XPO4: variants seen among roughly 807,000 people sequenced by gnomAD.
XPO4 encodes exportin-4.
XPO4 carries 39 observed loss-of-function variants against 143.0 expected under a neutral mutation model. The observed-to-expected ratio is 0.27, with a 90% CI of 0.21 to 0.36. XPO4 has a LOEUF of 0.36. Ranked by LOEUF, XPO4 falls within the 10% of genes least tolerant of loss-of-function variation. XPO4 has a pLI of 1.00. For synonymous variants in XPO4, 439 were observed against 474.0 expected (o/e 0.93, Z 0.96); for missense variants, 907 against 1,348.0 (o/e 0.67, Z 5.12).
intron 4 of XPO4, chr13:20,848,871 TAA>T (rs898642458): frequency 1.7e-5 from 17 of 984,834 alleles, no homozygotes; most frequent in African/African-American, 3.5e-5. Flanking sequence ...GTCAAAGTTA[TAA>T]AAAAAAGTCT....
In XPO4 at chr13:20,808,998, A is replaced by G. The variant is rs187632701; in HGVS notation, c.1493+85T>C. The G allele has an allele frequency of 8.4e-5, 123 of 1,469,482 alleles. 1 individual carries two copies. In the Admixed American group the frequency reaches 2.5e-3, roughly 30 times the overall value. The allele number at this position is 1,469,482 out of a possible 1,614,324, so 91.0% of individuals were successfully genotyped here. Reference sequence around the variant, plus strand: ...GCTGGGACACGGGGTGGGGGTGTTTAAAGTCTTTAAACACTTTAAGTGCTC... The same window carrying G: ...GCTGGGACACGGGGTGGGGGTGTTTGAAGTCTTTAAACACTTTAAGTGCTC... On this transcript the variant is annotated intron_variant, in intron 11 of 22. Transcript: ENST00000255305.
chr13:20,856,417 T>A, intron 3 of XPO4: 1 of 929,874 alleles, frequency 1.1e-6, no homozygotes, highest in Non-Finnish European at 1.3e-6. Flanking sequence ...ACCAAGCCCA[T>A]TTGACCACAA....
chr13:20,841,897 C>T (rs1254129605), intron 6 of XPO4, among the ~76,000 whole-genome samples: 1 of 151,470 alleles, frequency 6.6e-6, no homozygotes, highest in Admixed American at 6.6e-5. Flanking sequence ...TTCTCCTGAA[C>T]AGACTCTCAG....
intron 20 of XPO4, 105 bp downstream of exon 20, chr13:20,788,381 G>T (rs2059235211): frequency 6.9e-7 from 1 of 1,455,180 alleles, no homozygotes; most frequent in East Asian, 2.5e-5. Context: ...AAATAAAATT[G>T]AACCATAAAA....
intron 1 of XPO4, among the ~76,000 whole-genome samples, chr13:20,870,435 T>TAA (rs35577937): frequency 0.03 from 4,420 of 147,136 alleles, 146 homozygotes; most frequent in African/African-American, 0.08. Flanking sequence ...CCATCTCAAT[T>TAA]AAAAAAAAAA....
At chr13:20,868,535 A>C (rs1800148320) in intron 2 of XPO4, 61 bp downstream of exon 2, 8 of 1,558,796 alleles carry the variant, frequency 5.1e-6, no homozygotes, top group Non-Finnish European at 6.9e-6. Flanking sequence ...CTAATGTTTA[A>C]GACAGCAAAC....
intron 1 of XPO4, among the ~76,000 whole-genome samples, chr13:20,876,172 G>A (rs541054709): frequency 6.9e-6 from 1 of 144,804 alleles, no homozygotes; most frequent in African/African-American, 2.6e-5. Context: ...TGAGACAGGA[G>A]AATCACTTGA....
intron 1 of XPO4, among the ~76,000 whole-genome samples, chr13:20,891,122 TAAAAAAAAAAAAAAAA>T (rs57528913): frequency 4.7e-5 from 4 of 86,008 alleles, no homozygotes; most frequent in South Asian, 8.7e-4. Flanking sequence ...CATCTCAATT[TAAAAAAAAAAAAAAAA>T]AAAAAAAAAA....
intron 2 of XPO4, chr13:20,865,422 C>A: frequency 1.0e-6 from 1 of 981,204 alleles, no homozygotes. Flanking sequence ...CAGGTGTGAG[C>A]CACCACACCC....
At position 20,796,107 on chromosome 13, in the gene XPO4, C is replaced by T. The variant is rs2059354750; in HGVS notation, c.2766G>A (p.Leu922=). The change falls in exon 18 of 23, where the codon CTG becomes CTA. Residue 922 remains leucine, a synonymous_variant. Transcript: ENST00000255305. ...LLIMELLTNL[L]SKEFIDFSDT... is the part of the protein sequence containing the mutation. The stretch of plus-strand genomic sequence containing the variant: ...CACTGAAATCTATGAATTCTTTTGA[C>T]AGCAGGTTAGTAAGAAGTTCCATAA... 3 of 1,613,370 alleles carry T rather than the reference C, an allele frequency of 1.9e-6. No homozygotes were observed. Among genetic ancestry groups the T allele is most frequent in the Non-Finnish European group, 1.7e-6 (2 of 1,179,758 alleles).
At chr13:20,845,775 G>T (rs947291360) in intron 4 of XPO4, among the ~76,000 whole-genome samples, 3 of 152,122 alleles carry the variant, frequency 2.0e-5, no homozygotes, top group African/African-American at 7.2e-5. Flanking sequence ...TTTAAACACA[G>T]CTAGGCTTTG....
intron 13 of XPO4, 106 bp downstream of exon 13, chr13:20,807,351 G>T: frequency 8.9e-7 from 1 of 1,126,072 alleles, no homozygotes; most frequent in Non-Finnish European, 1.3e-6. Flanking sequence ...TTTTTTTCAT[G>T]TATCAGATTT....
intron 16 of XPO4, among the ~76,000 whole-genome samples, chr13:20,798,089 G>A (rs140227577): frequency 1.3e-5 from 2 of 152,202 alleles, no homozygotes; most frequent in African/African-American, 4.8e-5. Context: ...GTTGCAGTGA[G>A]CCAAGATCAC....
chr13:20,859,757 C>G, intron 3 of XPO4: 1 of 658,952 alleles, frequency 1.5e-6, no homozygotes, highest in Non-Finnish European at 1.8e-6. Flanking sequence ...AGCCTAGCAA[C>G]AGAGCAAGGC....
chr13:20,822,010 T>C (rs1179507475), intron 8 of XPO4, 122 bp downstream of exon 8: 1 of 1,382,190 alleles, frequency 7.2e-7, no homozygotes. Flanking sequence ...TAATTTCAAA[T>C]TACCCATATG....
intron 18 of XPO4, among the ~76,000 whole-genome samples, chr13:20,792,787 A>G (rs2059304647): frequency 6.9e-6 from 1 of 145,914 alleles, no homozygotes; most frequent in Non-Finnish European, 1.5e-5. Context: ...TTTATTAATT[A>G]TTATTAATAT....
At chr13:20,786,941 C>G in intron 22 of XPO4, 24 bp downstream of exon 22, 2 of 1,535,054 alleles carry the variant, frequency 1.3e-6, no homozygotes, top group East Asian at 4.9e-5. Context: ...AGAAGAGTCC[C>G]CTGAAAAGAG....
Position 20,843,128 on chromosome 13 carries a change from A to G in XPO4, c.574-80T>C, listed in dbSNP as rs569905179. On this transcript the variant is annotated intron_variant, in intron 5 of 22. Transcript: ENST00000255305. Reference sequence around the variant, plus strand: ...CCCTTTTAGAATCATGAAACAAAACAAACACCTTAAAATTTCCAATGGAAA... The same window carrying G: ...CCCTTTTAGAATCATGAAACAAAACGAACACCTTAAAATTTCCAATGGAAA... 4 of 1,336,298 alleles carry G rather than the reference A, an allele frequency of 3.0e-6. No homozygotes were observed. In the African/African-American group the frequency reaches 4.4e-5, roughly 15 times the overall value. The allele number at this position is 1,336,298 out of a possible 1,614,324, so 82.8% of individuals were successfully genotyped here. A position where few individuals can be genotyped will look rare whatever the true frequency, so the allele number is the denominator to read the frequency against.
chr13:20,787,230 GT>G (rs756960715), intron 21 of XPO4, among the ~76,000 whole-genome samples, 173 bp from the exon 22 acceptor site: 1 of 152,138 alleles, frequency 6.6e-6, no homozygotes, highest in Non-Finnish European at 1.5e-5. Flanking sequence ...GCTACTTGCT[GT>G]GGTATCTGAA....
Sources: gnomAD v4.1 joint callset for allele counts (sites outside exome capture counted in the v4.1 genomes callset) on GRCh38, gnomAD v4.1.1 for gene constraint, MANE v1.5 for transcripts, NCBI Gene and HGNC (gene_info 2026-07-23, HGNC 2026-07-21) for gene names.